The following LAMA2 variants were observed in gnomAD, a reference collection of about 807,000 sequenced individuals.
The protein encoded by LAMA2 is laminin subunit alpha-2.
In LAMA2, 269 loss-of-function variants were observed where a neutral mutation model predicts 364.8. The observed-to-expected ratio is 0.74, with a 90% CI of 0.67 to 0.82. The LOEUF (loss-of-function observed/expected upper bound fraction) is 0.82, where lower values mean the gene tolerates loss of function less well. Among genes scored for constraint, LAMA2 ranks in the 40% least tolerant of loss-of-function variants. The pLI is 0.00. For synonymous variants in LAMA2, 1,379 were observed against 1,370.6 expected, an observed-to-expected ratio of 1.01 and a Z score of -0.14; for missense variants, 3,807 against 3,873.2, an observed-to-expected ratio of 0.98 and a Z score of 0.45.
intron 29 of LAMA2, among the ~76,000 whole-genome samples, chr6:129,335,667 A>T (rs1775916858): frequency 6.6e-6 from 1 of 152,172 alleles, no homozygotes; most frequent in African/African-American, 2.4e-5. Context: ...CAGATTTGTA[A>T]CTAGAATTCA....
Position 129,300,757 on chromosome 6 carries a change from G to T in LAMA2, c.3059G>T (p.Gly1020Val), listed in dbSNP as rs1021796733. ...GCTACECSHL[G>V]NNCDPKTGRC... is the part of the protein sequence containing the mutation. ...GAAGCTTGTGAATGTTCTCATCTGG[G>T]TAATAATTGTGACCCAAAGACTGGG... The change falls in exon 22 of 65, where the codon GGT becomes GTT. Residue 1020 changes from glycine (G) to valine (V), a missense_variant. By Grantham distance (109) the Gly-to-Val change is moderately radical. Transcript: ENST00000421865. 6.2e-7 allele frequency: 1 copy of T among 1,613,494 alleles called. No homozygotes were observed. Among genetic ancestry groups the T allele is most frequent in the African/African-American group, 1.3e-5 (1 of 74,836 alleles).
At chr6:129,020,102 GAAAAAAAAA>G (rs57907508) in intron 1 of LAMA2, among the ~76,000 whole-genome samples, 1 of 134,216 alleles carries the variant, frequency 7.5e-6, no homozygotes, top group Non-Finnish European at 1.6e-5. Context: ...GAAAAAAAAA[GAAAAAAAAA>G]AAAAAAAAGA....
chr6:129,435,011 A>G (rs1288168058), intron 41 of LAMA2, among the ~76,000 whole-genome samples: 1 of 152,126 alleles, frequency 6.6e-6, no homozygotes, highest in African/African-American at 2.4e-5. Flanking sequence ...CAAAAAAAAA[A>G]TGCAGAGAAT....
At chr6:129,412,229 G>A (rs1780572919) in intron 40 of LAMA2, among the ~76,000 whole-genome samples, 1 of 152,128 alleles carries the variant, frequency 6.6e-6, no homozygotes, top group South Asian at 2.1e-4. Flanking sequence ...TGAATCCAAA[G>A]GCAGTTTGGA....
At chr6:129,073,047 A>T (rs369161157) in intron 3 of LAMA2, among the ~76,000 whole-genome samples, 3 of 152,108 alleles carry the variant, frequency 2.0e-5, no homozygotes, top group Non-Finnish European at 4.4e-5. Context: ...AAAGCCTGCT[A>T]GTGATAAATC....
At position 128,996,451 on chromosome 6, in the gene LAMA2, G is replaced by A. The variant is rs567286884; in HGVS notation, c.113-53467G>A. Among the ~76,000 whole-genome samples, 70 of 152,144 alleles carry A rather than the reference G, an allele frequency of 4.6e-4. 1 individual carries two copies. Among genetic ancestry groups the A allele is most frequent in the Admixed American group, 3.9e-3 (59 of 15,270 alleles). On this transcript the variant is annotated intron_variant, in intron 1 of 64. Transcript: ENST00000421865. ...ATTCACAAGAAAAAGCAACCCCATC[G>A]AAAAGTGGGCAAAGGATATGAACAG...
rs188981688 is a variant in LAMA2 at position 129,267,756 on chromosome 6, G to C, written c.2322+537G>C. Reference sequence around the variant, plus strand: ...TATGTAATACATATTCACCAGAGCTGCTTCTCCTTTGCAATTAAGTCTAAG... The same window carrying C: ...TATGTAATACATATTCACCAGAGCTCCTTCTCCTTTGCAATTAAGTCTAAG... On this transcript the variant is annotated intron_variant, in intron 16 of 64. Transcript: ENST00000421865. 2.6e-5 allele frequency among the ~76,000 whole-genome samples: 4 copies of C among 152,174 alleles called. No homozygotes were observed. In the South Asian group the frequency reaches 6.2e-4, roughly 24 times the overall value.
At chr6:129,456,186 T>C (rs1420144122) in intron 47 of LAMA2, 149 bp from the exon 48 acceptor site, 6 of 751,734 alleles carry the variant, frequency 8.0e-6, no homozygotes, top group Admixed American at 2.1e-5. Flanking sequence ...GAATTTGGAA[T>C]GTTAGAAACT....
In LAMA2 at chr6:129,327,718, GA is replaced by G. The variant is rs562799430; in HGVS notation, c.4177-553del. 7.4e-4 allele frequency among the ~76,000 whole-genome samples: 113 copies of G among 152,176 alleles called. 1 individual carries two copies. The highest frequency in any genetic ancestry group is 2.6e-3 in the African/African-American group (108 of 41,554). On this transcript the variant is annotated intron_variant, in intron 28 of 64. Transcript: ENST00000421865. ...TGCTTTCAGATTTTTATTGCAAAAA[GA>G]AAAAAATTATATCAGGGAAAGATAA...
intron 21 of LAMA2, 109 bp downstream of exon 21, chr6:129,297,974 A>G (rs983800014): frequency 2.4e-6 from 2 of 822,666 alleles, no homozygotes; most frequent in Non-Finnish European, 1.9e-6. Flanking sequence ...CAACGTATTT[A>G]ACATAATGAG....
At chr6:129,470,489 A>G (rs1041045272) in intron 51 of LAMA2, among the ~76,000 whole-genome samples, 3 of 151,932 alleles carry the variant, frequency 2.0e-5, no homozygotes, top group Admixed American at 6.6e-5. Flanking sequence ...AAGGGATATT[A>G]TAAAACATCA....
At chr6:129,061,278 A>G (rs1346615251) in intron 3 of LAMA2, among the ~76,000 whole-genome samples, 1 of 152,216 alleles carries the variant, frequency 6.6e-6, no homozygotes, top group Non-Finnish European at 1.5e-5. Flanking sequence ...GGTCATCTCC[A>G]GGGACAGGCA....
At chr6:129,347,890 TACAGTAA>T (rs1776642086) in intron 30 of LAMA2, among the ~76,000 whole-genome samples, 2 of 152,260 alleles carry the variant, frequency 1.3e-5, no homozygotes. Flanking sequence ...TACATTCCTA[TACAGTAA>T]ACACTTTATT....
intron 12 of LAMA2, among the ~76,000 whole-genome samples, chr6:129,210,203 C>T (rs1414617253): frequency 6.6e-6 from 1 of 151,850 alleles, no homozygotes; most frequent in Non-Finnish European, 1.5e-5. Context: ...TAGACTTTGA[C>T]TTTCCAAGGC....
At chr6:129,266,340 TA>T (rs1191677829) in intron 15 of LAMA2, among the ~76,000 whole-genome samples, 1 of 152,122 alleles carries the variant, frequency 6.6e-6, no homozygotes, top group Non-Finnish European at 1.5e-5. Context: ...AATCTAAGAC[TA>T]AAATACCCTG....
chr6:129,309,902 A>ATTTTTTTTTTTTTTTT lies in LAMA2; in HGVS notation c.3175-2944_3175-2943insTTTTTTTTTTTTTTTT, dbSNP rs993652081. Among the ~76,000 whole-genome samples the ATTTTTTTTTTTTTTTT allele has an allele frequency of 1.6e-4, 22 of 135,766 alleles. 4 individuals are homozygous for ATTTTTTTTTTTTTTTT. Among genetic ancestry groups the ATTTTTTTTTTTTTTTT allele is most frequent in the African/African-American group, 5.4e-4 (19 of 35,388 alleles). The allele number at this position is 135,766 out of a possible 152,430, so 89.1% of individuals were successfully genotyped here. A position where few individuals can be genotyped will look rare whatever the true frequency, so the allele number is the denominator to read the frequency against. On this transcript the variant is annotated intron_variant, in intron 22 of 64. Coordinates refer to ENST00000421865, the MANE Select transcript of LAMA2 (RefSeq NM_000426.4). ...AGAAATAAAGCTAATCCTGATAATCATTTTTTTTTTTTTTTGAGACGGAGT... is the reference window on the plus strand; with the variant it reads ...AGAAATAAAGCTAATCCTGATAATCATTTTTTTTTTTTTTTTTTTTTTTTTTTTTTTGAGACGGAGT...
At chr6:129,431,157 G>A (rs747557612) in intron 41 of LAMA2, among the ~76,000 whole-genome samples, 40 of 151,934 alleles carry the variant, frequency 2.6e-4, no homozygotes, top group Middle Eastern at 3.2e-3. Flanking sequence ...CTAACACTTC[G>A]GGAGACCGAG....
intron 58 of LAMA2, among the ~76,000 whole-genome samples, chr6:129,495,017 G>A (rs540693982): frequency 9.9e-5 from 15 of 152,202 alleles, no homozygotes; most frequent in African/African-American, 3.4e-4. Context: ...AACTAAAATT[G>A]GCAAGAGCCC....
chr6:129,192,177 AAC>A (rs1405130630), intron 11 of LAMA2, among the ~76,000 whole-genome samples: 1 of 152,234 alleles, frequency 6.6e-6, no homozygotes, highest in African/African-American at 2.4e-5. Context: ...TACTGAATGA[AAC>A]ACCACCTTTC....
Sources: gnomAD v4.1 joint callset for allele counts (sites outside exome capture counted in the v4.1 genomes callset) on GRCh38, gnomAD v4.1.1 for gene constraint, MANE v1.5 for transcripts, NCBI Gene and HGNC (gene_info 2026-07-23, HGNC 2026-07-21) for gene names.